ADGRD1: variants seen among roughly 807,000 people sequenced by gnomAD.
The protein encoded by ADGRD1 is adhesion G protein-coupled receptor D1.
A neutral mutation model predicts 113.4 loss-of-function variants in ADGRD1; 77 were observed. The observed-to-expected ratio is 0.68, with a 90% CI of 0.57 to 0.82. ADGRD1 has a LOEUF of 0.82. Ranked by LOEUF, ADGRD1 falls within the 40% of genes least tolerant of loss-of-function variation. The pLI is 0.00. For synonymous variants in ADGRD1, 474 were observed against 475.0 expected, an observed-to-expected ratio of 1.00 and a Z score of 0.03; for missense variants, 1,036 against 1,139.1, an observed-to-expected ratio of 0.91 and a Z score of 1.30.
intron 13 of ADGRD1, among the ~76,000 whole-genome samples, chr12:131,014,649 A>AG (rs1429099372): frequency 1.3e-5 from 2 of 152,096 alleles, no homozygotes; most frequent in Non-Finnish European, 2.9e-5. Context: ...TTACTGGAGG[A>AG]GGGGGGTACC....
At chr12:131,028,077 G>C (rs1330882198) in intron 13 of ADGRD1, 1 of 152,216 alleles carries the variant, frequency 6.6e-6, no homozygotes, top group East Asian at 1.9e-4. Context: ...AGCGGGCACT[G>C]GTTCACTCTC....
chr12:130,975,733 A>C (rs1759360869), intron 4 of ADGRD1, among the ~76,000 whole-genome samples: 1 of 152,218 alleles, frequency 6.6e-6, no homozygotes, highest in Admixed American at 6.5e-5. Context: ...ATGTTATTTG[A>C]TATAACAAGT....
At position 131,120,926 on chromosome 12, in the gene ADGRD1, C is replaced by T; in HGVS notation, c.2175+13C>T. 1.2e-6 allele frequency: 2 copies of T among 1,612,646 alleles called. No individual in the cohort carries two copies. Among genetic ancestry groups the T allele is most frequent in the South Asian group, 1.1e-5 (1 of 90,932 alleles). The stretch of plus-strand genomic sequence containing the variant: ...GTTTGTCATCGTGGTACGTTTCCTA[C>T]CCTTGTGGGCGCAGAGCGGGGCTGG... On this transcript the variant is annotated intron_variant, in intron 20 of 24. Coordinates refer to ENST00000261654, the MANE Select transcript of ADGRD1 (RefSeq NM_198827.5).
intron 5 of ADGRD1, among the ~76,000 whole-genome samples, chr12:130,985,803 C>T (rs1390222370): frequency 6.6e-6 from 1 of 152,198 alleles, no homozygotes; most frequent in Non-Finnish European, 1.5e-5. Flanking sequence ...CCACCTGCCT[C>T]GGCCTCCCAA....
rs961658943 is a variant in ADGRD1 at position 130,984,377 on chromosome 12, G to A, written c.490+2314G>A. ...TCAGCACAGAAGCCACGTCCTCAGG[G>A]AAAGCTCGTTACTGTGCTTACCCGC... On this transcript the variant is annotated intron_variant, in intron 5 of 24. Transcript: ENST00000261654. The surrounding 1 kb of genome is among the most constrained non-coding windows in gnomAD (Gnocchi z 4.1). Among the ~76,000 whole-genome samples the A allele has an allele frequency of 6.6e-6, 1 of 152,222 alleles. No homozygotes were observed. Among genetic ancestry groups the A allele is most frequent in the Non-Finnish European group, 1.5e-5 (1 of 68,032 alleles).
chr12:131,028,297 T>G (rs1310271987), intron 13 of ADGRD1, among the ~76,000 whole-genome samples: 1 of 152,248 alleles, frequency 6.6e-6, no homozygotes, highest in Non-Finnish European at 1.5e-5. Context: ...TTGTGCTGTT[T>G]GCTTTTCTTT....
chr12:131,044,820 A>G (rs1882509089), intron 13 of ADGRD1, among the ~76,000 whole-genome samples: 1 of 152,222 alleles, frequency 6.6e-6, no homozygotes, highest in African/African-American at 2.4e-5. Flanking sequence ...CTTCCAGCAC[A>G]CAGAGCTACT....
chr12:131,011,165 GCCC>G (rs1877833501), intron 12 of ADGRD1, among the ~76,000 whole-genome samples: 1 of 98,686 alleles, frequency 1.0e-5, no homozygotes, highest in African/African-American at 3.9e-5. Context: ...TCCCCACCCT[GCCC>G]CACCTCACCC....
At position 131,022,839 on chromosome 12, in the gene ADGRD1, A is replaced by G. The variant is rs1226930671; in HGVS notation, c.1473+8499A>G. On this transcript the variant is annotated intron_variant, in intron 13 of 24. Coordinates refer to ENST00000261654, the MANE Select transcript of ADGRD1 (RefSeq NM_198827.5). The surrounding 1 kb of genome is among the most constrained non-coding windows in gnomAD (Gnocchi z 4.6). ...TTCTCAGTCCTCTCTCGGTGGACAG[A>G]GCCGGGAAATCTGTGTGTGTGTGCT... The G allele has an allele frequency of 7.4e-6, 1 of 134,328 alleles. No individual in the cohort carries two copies. The highest frequency in any genetic ancestry group is 2.8e-5 in the African/African-American group (1 of 35,572). 8.3% of individuals were successfully genotyped at this position (134,328 alleles called of 1,614,324 possible).
chr12:131,070,104 G>A (rs1048995642), intron 13 of ADGRD1: 9 of 152,322 alleles, frequency 5.9e-5, no homozygotes, highest in African/African-American at 1.9e-4. Flanking sequence ...CTGTCCCAGA[G>A]AGAAAATGCT....
intron 8 of ADGRD1, among the ~76,000 whole-genome samples, chr12:130,996,188 G>A (rs1382613927): frequency 0.015 from 2,189 of 145,512 alleles, 26 homozygotes; most frequent in African/African-American, 0.031. Context: ...TTTCTACACA[G>A]ACACGGCAAC....
chr12:131,038,282 C>T (rs73477371), intron 13 of ADGRD1, among the ~76,000 whole-genome samples: 4,396 of 152,332 alleles, frequency 0.029, 215 homozygotes, highest in African/African-American at 0.1. Context: ...TCCACAGTGC[C>T]GGGAGGGCCT....
At chr12:131,094,448 TG>T (rs905366631) in intron 15 of ADGRD1, among the ~76,000 whole-genome samples, 14 of 151,714 alleles carry the variant, frequency 9.2e-5, no homozygotes, top group Non-Finnish European at 1.3e-4. Flanking sequence ...TTGATGGGGG[TG>T]GGGGTAACTG....
chr12:131,126,807 A>G (rs1463556052), intron 20 of ADGRD1, among the ~76,000 whole-genome samples: 1 of 152,164 alleles, frequency 6.6e-6, no homozygotes, highest in Non-Finnish European at 1.5e-5. Flanking sequence ...TGGAATATCC[A>G]TGGTACTCAC....
At chr12:131,056,439 C>T (rs951863790) in intron 13 of ADGRD1, among the ~76,000 whole-genome samples, 9 of 152,172 alleles carry the variant, frequency 5.9e-5, no homozygotes, top group African/African-American at 1.7e-4. Flanking sequence ...TGTCAAAATT[C>T]GGGGACAAGA....
At chr12:131,134,376 G>T (rs560236398) in intron 21 of ADGRD1, among the ~76,000 whole-genome samples, 2 of 152,200 alleles carry the variant, frequency 1.3e-5, no homozygotes, top group Non-Finnish European at 2.9e-5. Flanking sequence ...TTGAGAGTCC[G>T]CAGAGCTTCA....
intron 23 of ADGRD1, chr12:131,137,795 A>G (rs952106785): frequency 1.7e-4 from 53 of 309,884 alleles, no homozygotes; most frequent in African/African-American, 1.1e-3. Context: ...GCAGGAAGGC[A>G]GTGCAGCCAT....
chr12:131,101,068 A>G (rs936486625), intron 15 of ADGRD1, among the ~76,000 whole-genome samples: 3 of 152,136 alleles, frequency 2.0e-5, no homozygotes, highest in Non-Finnish European at 1.5e-5. Flanking sequence ...TCCCTAATGC[A>G]TCCTCAGGGC....
intron 13 of ADGRD1, among the ~76,000 whole-genome samples, chr12:131,031,339 A>G (rs1880715740): frequency 6.6e-6 from 1 of 152,206 alleles, no homozygotes; most frequent in Admixed American, 6.5e-5. Context: ...GGCCTGGCTT[A>G]GCCTCTTGCA....
Sources: gnomAD v4.1 joint callset for allele counts (sites outside exome capture counted in the v4.1 genomes callset) on GRCh38, gnomAD v4.1.1 for gene constraint, Gnocchi (gnomAD v3.1) non-coding constraint, MANE v1.5 for transcripts, NCBI Gene and HGNC (gene_info 2026-07-23, HGNC 2026-07-21) for gene names.